PAQR9: variants seen among roughly 807,000 people sequenced by gnomAD.
PAQR9 encodes membrane progestin receptor epsilon.
PAQR9 carries 12 observed loss-of-function variants against 24.0 expected under a neutral mutation model. That is an observed-to-expected ratio of 0.50 (90% CI 0.32 to 0.81). The LOEUF (loss-of-function observed/expected upper bound fraction) is 0.81, where lower values mean the gene tolerates loss of function less well. Ranked by LOEUF, PAQR9 falls within the 30% of genes least tolerant of loss-of-function variation. PAQR9 has a pLI of 0.03. For synonymous variants in PAQR9, 266 were observed against 237.6 expected (o/e 1.12, Z -1.10); for missense variants, 418 against 520.8 (o/e 0.80, Z 1.92).
At chr3:142,953,153 A>G (rs1326816673), downstream of PAQR9, among the ~76,000 whole-genome samples, 1 of 152,112 alleles carries the variant, frequency 6.6e-6, no homozygotes, top group African/African-American at 2.4e-5. Context: ...CGCCATTAGA[A>G]ATGGTATGCT....
In PAQR9 at chr3:142,956,826, A is replaced by G. The variant is rs1934796513; in HGVS notation, c.*5377T>C. On this transcript the variant is annotated 3_prime_UTR_variant, in exon 1 of 1. Coordinates refer to ENST00000340634, the MANE Select transcript of PAQR9 (RefSeq NM_198504.4). ...TTTTAAATGACAACAACAGAAATTTATATTAGCTTTTGGAAGAGTGACTAA... is the reference window on the plus strand; with the variant it reads ...TTTTAAATGACAACAACAGAAATTTGTATTAGCTTTTGGAAGAGTGACTAA... Among the ~76,000 whole-genome samples, 1 of 152,246 alleles carries G rather than the reference A, an allele frequency of 6.6e-6. No homozygotes were observed. Among genetic ancestry groups the G allele is most frequent in the African/African-American group, 2.4e-5 (1 of 41,470 alleles).
At chr3:142,950,497 C>A, downstream of PAQR9, 2 of 366,272 alleles carry the variant, frequency 5.5e-6, no homozygotes, top group South Asian at 2.1e-5. Flanking sequence ...AACTTCTAAG[C>A]TCCTTACATC....
chr3:142,962,226 A>C lies in PAQR9; in HGVS notation c.1111T>G (p.Ser371Ala), dbSNP rs763536009. Residue 371 changes from serine to alanine, a missense_variant, in exon 1 of 1, where the codon TCC (serine) becomes GCC (alanine). Coordinates refer to ENST00000340634, the MANE Select transcript of PAQR9 (RefSeq NM_198504.4). ...GCTCACTTTTTACTGCAGAATTCGG[A>C]GCTGTTTAGGAACTTCCTGATTACC... Reference protein sequence around the residue: ...GLVIRKFLNSSEFCSKK With the variant: ...GLVIRKFLNSAEFCSKK 3 of 1,613,898 alleles carry C rather than the reference A, an allele frequency of 1.9e-6. No individual in the cohort carries two copies. The highest frequency in any genetic ancestry group is 1.1e-5 in the South Asian group (1 of 91,088).
downstream of PAQR9, chr3:142,951,904 C>T (rs373194025): frequency 2.6e-6 from 1 of 385,596 alleles, no homozygotes; most frequent in Non-Finnish European, 5.0e-6. Flanking sequence ...TATCCATCAA[C>T]AAGGAGGCTG....
Position 142,962,647 on chromosome 3 carries a change from C to T in PAQR9, c.690G>A (p.Lys230=), listed in dbSNP as rs372780147. ...LAVACTVACC[K]SRTDWCTYPF... is the part of the protein sequence containing the mutation. ...GGTAGGTACACCAGTCGGTACGGCTCTTGCAGCAGGCCACAGTGCAAGCCA... is the reference window on the plus strand; with the variant it reads ...GGTAGGTACACCAGTCGGTACGGCTTTTGCAGCAGGCCACAGTGCAAGCCA... Residue 230 remains lysine (K), a synonymous_variant, in exon 1 of 1, where the codon AAG becomes AAA. Transcript: ENST00000340634. The T allele has an allele frequency of 5.0e-6, 8 of 1,611,278 alleles. No homozygotes were observed. In the African/African-American group the frequency reaches 9.3e-5, roughly 19 times the overall value.
Position 142,961,258 on chromosome 3 carries a change from T to G in PAQR9, c.*945A>C, listed in dbSNP as rs1934883949. The G allele has an allele frequency of 6.6e-6, 1 of 152,650 alleles. No homozygotes were observed. Among genetic ancestry groups the G allele is most frequent in the Non-Finnish European group, 1.5e-5 (1 of 68,052 alleles). 9.5% of individuals were successfully genotyped at this position (152,650 alleles called of 1,614,324 possible). A position where few individuals can be genotyped will look rare whatever the true frequency, so the allele number is the denominator to read the frequency against. On this transcript the variant is annotated 3_prime_UTR_variant, in exon 1 of 1. Coordinates refer to ENST00000340634, the MANE Select transcript of PAQR9 (RefSeq NM_198504.4). ...TGGACTTTGCTTCAAAAGGCACATT[T>G]ATTCCAGTGGCAATTTAAATAAGTA... is the stretch of plus-strand genomic sequence containing the variant.
rs1158258506 is a variant in PAQR9, at chr3:142,955,462, A to T, written c.*6741T>A. On this transcript the variant is annotated 3_prime_UTR_variant, in exon 1 of 1. Coordinates refer to ENST00000340634, the MANE Select transcript of PAQR9 (RefSeq NM_198504.4). ...CAAATTAAAAAAAAAAAAAAAAAAA[A>T]AAAAAAAAAAAAAAAGCAGCCACAG... is the stretch of plus-strand genomic sequence containing the variant. 6.8e-6 allele frequency among the ~76,000 whole-genome samples: 1 copy of T among 146,730 alleles called. No homozygotes were observed. The highest frequency in any genetic ancestry group is 1.5e-5 in the Non-Finnish European group (1 of 66,660).
chr3:142,952,086 A>C (rs1474557123), downstream of PAQR9, among the ~76,000 whole-genome samples: 2 of 150,316 alleles, frequency 1.3e-5, no homozygotes, highest in East Asian at 3.9e-4. Flanking sequence ...TAGTGGGGAG[A>C]GGGTGACTTT....
chr3:142,963,831 C>T (rs1934971874), upstream of PAQR9: 1 of 985,318 alleles, frequency 1.0e-6, no homozygotes, highest in Non-Finnish European at 1.2e-6. Flanking sequence ...ATAGAGTTGT[C>T]CCCTGTCTCG....
rs1934781861 is a variant in PAQR9, at chr3:142,955,703, A to G, written c.*6500T>C. On this transcript the variant is annotated 3_prime_UTR_variant, in exon 1 of 1. Transcript: ENST00000340634. The stretch of plus-strand genomic sequence containing the variant: ...GGTACTCAGTTGATTGGCGAGAATA[A>G]TTTTGTTCATAGCCTCCAGAAAAGA... Among the ~76,000 whole-genome samples the G allele has an allele frequency of 6.6e-6, 1 of 152,160 alleles. No individual in the cohort carries two copies. Among genetic ancestry groups the G allele is most frequent in the Admixed American group, 6.5e-5 (1 of 15,286 alleles).
upstream of PAQR9, chr3:142,963,964 T>C: frequency 1.2e-6 from 1 of 863,566 alleles, no homozygotes; most frequent in Non-Finnish European, 1.4e-6. Flanking sequence ...GAGTCGGCCC[T>C]GGGGTTCGAA....
chr3:142,961,916 CTG>C lies in PAQR9; in HGVS notation c.*285_*286del. ...GGGGCTTTATTTGGGATTTTACTCA[CTG>C]CCTTTGAGAAATCCCTGGATGTCAA... On this transcript the variant is annotated 3_prime_UTR_variant, in exon 1 of 1. Coordinates refer to ENST00000340634, the MANE Select transcript of PAQR9 (RefSeq NM_198504.4). 2.4e-6 allele frequency: 1 copy of C among 408,926 alleles called. No individual in the cohort carries two copies. Among genetic ancestry groups the C allele is most frequent in the Non-Finnish European group, 4.5e-6 (1 of 223,834 alleles). 25.3% of individuals were successfully genotyped at this position (408,926 alleles called of 1,614,324 possible). A position where few individuals can be genotyped will look rare whatever the true frequency, so the allele number is the denominator to read the frequency against.
At chr3:142,949,206 T>A (rs1934683397) in exon 3 of PAQR9, 1 of 152,252 alleles carries the variant, frequency 6.6e-6, no homozygotes, top group Non-Finnish European at 1.5e-5. Context: ...ATTTATTTCC[T>A]TAAACCTGTT....
rs146419143 is a variant in PAQR9, at chr3:142,962,233, T to C, written c.1104A>G (p.Leu368=). ...TTTTACTGCAGAATTCGGAGCTGTT[T>C]AGGAACTTCCTGATTACCAGCCCCA... is the stretch of plus-strand genomic sequence containing the variant. ...VCLGLVIRKF[L]NSSEFCSKK Residue 368 remains leucine (L), a synonymous_variant, in exon 1 of 1, where the codon CTA becomes CTG. Transcript: ENST00000340634. 1,100 of 1,613,978 alleles carry C rather than the reference T, an allele frequency of 6.8e-4. No homozygotes were observed. The highest frequency in any genetic ancestry group is 8.1e-4 in the Non-Finnish European group (959 of 1,180,030).
chr3:142,949,445 A>G (rs994099932), exon 3 of PAQR9: 4 of 152,234 alleles, frequency 2.6e-5, no homozygotes, highest in African/African-American at 9.6e-5. Context: ...TTTTGTACTA[A>G]TAAATGTTCA....
downstream of PAQR9, among the ~76,000 whole-genome samples, chr3:142,953,892 A>G (rs1023062514): frequency 3.9e-5 from 6 of 152,288 alleles, no homozygotes; most frequent in Non-Finnish European, 7.4e-5. Flanking sequence ...AAAGCTGACC[A>G]TGGCTCATCT....
chr3:142,962,353 G>A lies in PAQR9; in HGVS notation c.984C>T (p.Tyr328=), dbSNP rs959919566. The change falls in exon 1 of 1, where the codon TAC becomes TAT. Residue 328 remains tyrosine (Y), a synonymous_variant. Coordinates refer to ENST00000340634, the MANE Select transcript of PAQR9 (RefSeq NM_198504.4). ...GGAACTGGCGCAGGCCCTCTTCTAC[G>A]TAGTACACCTGGTCGTAGATGCTGA... is the stretch of plus-strand genomic sequence containing the variant. The part of the protein sequence containing the change: ...TFLSIYDQVY[Y]VEEGLRQFLQ... 6.2e-7 allele frequency: 1 copy of A among 1,614,066 alleles called. No individual in the cohort carries two copies. The highest frequency in any genetic ancestry group is 1.7e-5 in the Admixed American group (1 of 60,014).
chr3:142,952,008 G>GT (rs890301467), downstream of PAQR9, among the ~76,000 whole-genome samples: 1 of 142,342 alleles, frequency 7.0e-6, no homozygotes, highest in African/African-American at 2.6e-5. Context: ...CAAAGGCGGT[G>GT]TGCACTACTC....
chr3:142,962,819 T>C lies in PAQR9; in HGVS notation c.518A>G (p.Tyr173Cys), dbSNP rs779842377. ...GCTGAGGCCTGGCAACAGGTAGTAG[T>C]AGTAGGCCACCGTGCTGCCGAAGCC... ...YYGFGSTVAY[Y>C]YYLLPGLSLL... The change falls in exon 1 of 1, where the codon TAC becomes TGC. Residue 173 changes from tyrosine (Y) to cysteine (C), a missense_variant. By Grantham distance (194) the Tyr-to-Cys change is radical. Around this residue, in one of 3 missense-constraint regions of PAQR9, gnomAD observed 230 missense variants for 305.2 expected, o/e 0.75. Transcript: ENST00000340634. 2.5e-6 allele frequency: 4 copies of C among 1,612,840 alleles called. No homozygotes were observed. The highest frequency in any genetic ancestry group is 2.2e-5 in the South Asian group (2 of 91,014).
Sources: allele counts gnomAD v4.1 joint callset (sites outside exome capture counted in the v4.1 genomes callset), GRCh38; gene constraint gnomAD v4.1.1; regional missense constraint gnomAD v4.1.1; transcripts MANE v1.5; gene names NCBI Gene and HGNC (gene_info 2026-07-23, HGNC 2026-07-21).